The following RRAGD variants were observed in gnomAD, a reference collection of about 807,000 sequenced individuals.
The protein encoded by RRAGD is ras-related GTP-binding protein D.
Under a neutral mutation model 35.5 loss-of-function variants are expected in RRAGD, and 12 were observed. The ratio of observed to expected loss-of-function variants is 0.34; its 90% confidence interval spans 0.22 to 0.55. RRAGD has a LOEUF of 0.55. Ranked by LOEUF, RRAGD falls within the 20% of genes least tolerant of loss-of-function variation. The pLI is 0.91. For missense variants in RRAGD, 324 were observed against 490.1 expected (o/e 0.66, Z 3.20); for synonymous variants, 155 against 178.9 (o/e 0.87, Z 1.07).
chr6:89,396,519 A>T (rs2127894553), intron 1 of RRAGD, among the ~76,000 whole-genome samples: 1 of 150,842 alleles, frequency 6.6e-6, no homozygotes, highest in Admixed American at 6.6e-5. Context: ...TCCACCTCTC[A>T]GGCTCAAGTG....
rs553579455 is a variant in RRAGD, at chr6:89,367,750, G to A, written c.*306C>T. ...TCAGTTCAATGAGAAACATGAAAAA[G>A]TGCAAAATATGTACAATTCCTGGCA... On this transcript the variant is annotated 3_prime_UTR_variant, in exon 7 of 7. Coordinates refer to ENST00000369415, the MANE Select transcript of RRAGD (RefSeq NM_021244.5). 7.9e-6 allele frequency: 2 copies of A among 252,680 alleles called. No homozygotes were observed. The highest frequency in any genetic ancestry group is 1.1e-4 in the Admixed American group (2 of 18,976). The allele number at this position is 252,680 out of a possible 1,614,324, so 15.7% of individuals were successfully genotyped here. A position where few individuals can be genotyped will look rare whatever the true frequency, so the allele number is the denominator to read the frequency against.
At chr6:89,395,999 C>A (rs1374372596) in intron 1 of RRAGD, among the ~76,000 whole-genome samples, 9 of 150,660 alleles carry the variant, frequency 6.0e-5, no homozygotes, top group African/African-American at 2.2e-4. Context: ...CTCACATCAA[C>A]TCAAAATTGG....
At chr6:89,374,785 T>C (rs1441161097) in intron 5 of RRAGD, among the ~76,000 whole-genome samples, 2 of 151,740 alleles carry the variant, frequency 1.3e-5, no homozygotes, top group Non-Finnish European at 2.9e-5. Context: ...TTTTAAAGGA[T>C]TCAACTCACT....
In RRAGD at chr6:89,411,236, G is replaced by A. The variant is rs1005339721; in HGVS notation, c.148+610C>T. The A allele has an allele frequency of 1.3e-5, 2 of 152,222 alleles. No individual in the cohort carries two copies. The highest frequency in any genetic ancestry group is 2.4e-5 in the African/African-American group (1 of 41,446). The allele number at this position is 152,222 out of a possible 1,614,324, so 9.4% of individuals were successfully genotyped here. On this transcript the variant is annotated intron_variant, in intron 1 of 6. Transcript: ENST00000369415. This position sits in a 1 kb window ranked among gnomAD's most constrained non-coding sequence, Gnocchi z 5.6. ...GCAGATAAGGTGTCCTGACAACGGTGTTTGCGTGGATCCCGGGAAATCTGC... is the reference window on the plus strand; with the variant it reads ...GCAGATAAGGTGTCCTGACAACGGTATTTGCGTGGATCCCGGGAAATCTGC...
intron 1 of RRAGD, among the ~76,000 whole-genome samples, chr6:89,392,291 T>C (rs949010144): frequency 2.6e-5 from 4 of 152,014 alleles, no homozygotes; most frequent in Non-Finnish European, 5.9e-5. Flanking sequence ...CTGGGCAGCA[T>C]AGAGAGACCT....
At chr6:89,387,810 GC>G (rs1769162026) in intron 1 of RRAGD, among the ~76,000 whole-genome samples, 1 of 152,228 alleles carries the variant, frequency 6.6e-6, no homozygotes, top group African/African-American at 2.4e-5. Context: ...AAAGGGGACA[GC>G]TTTTGCTAAG....
chr6:89,368,914 A>C (rs549025479), intron 6 of RRAGD, among the ~76,000 whole-genome samples: 5 of 152,346 alleles, frequency 3.3e-5, no homozygotes, highest in Admixed American at 2.0e-4. Context: ...ATTACTAGTA[A>C]TTTGTAAAAG....
intron 1 of RRAGD, among the ~76,000 whole-genome samples, chr6:89,387,848 G>A (rs962753427): frequency 2.6e-5 from 4 of 151,948 alleles, no homozygotes; most frequent in Non-Finnish European, 4.4e-5. Flanking sequence ...ATAGAGTCTC[G>A]CCACTTCTTA....
At chr6:89,394,664 C>G (rs1327731832) in intron 1 of RRAGD, among the ~76,000 whole-genome samples, 1 of 151,882 alleles carries the variant, frequency 6.6e-6, no homozygotes, top group Non-Finnish European at 1.5e-5. Context: ...AGAGGTAAGT[C>G]AAAGAATGCT....
chr6:89,383,968 A>C (rs1315621288), intron 2 of RRAGD, among the ~76,000 whole-genome samples: 1 of 151,982 alleles, frequency 6.6e-6, no homozygotes, highest in Non-Finnish European at 1.5e-5. Flanking sequence ...CTAAAAATAT[A>C]AAACTTAGCT....
intron 1 of RRAGD, among the ~76,000 whole-genome samples, chr6:89,387,963 G>T (rs1305220050): frequency 6.6e-6 from 1 of 152,060 alleles, no homozygotes; most frequent in African/African-American, 2.4e-5. Flanking sequence ...AAAGAATCCA[G>T]GTCTGAGCAT....
At chr6:89,400,070 T>C (rs1769428339) in intron 1 of RRAGD, among the ~76,000 whole-genome samples, 1 of 152,184 alleles carries the variant, frequency 6.6e-6, no homozygotes, top group Admixed American at 6.5e-5. Context: ...TAACATTTAA[T>C]ACTAAACTGT....
chr6:89,399,767 ATTTTTTT>A (rs71556518), intron 1 of RRAGD, among the ~76,000 whole-genome samples: 1 of 130,824 alleles, frequency 7.6e-6, no homozygotes, highest in Non-Finnish European at 1.6e-5. Context: ...ATGCCCAGCT[ATTTTTTT>A]TTTTTTTTTT....
intron 1 of RRAGD, among the ~76,000 whole-genome samples, chr6:89,391,658 A>G (rs1360634420): frequency 6.6e-6 from 1 of 152,138 alleles, no homozygotes; most frequent in Non-Finnish European, 1.5e-5. Flanking sequence ...AGTGATAAAA[A>G]TGTTCTGGAA....
intron 2 of RRAGD, among the ~76,000 whole-genome samples, chr6:89,382,325 T>C (rs1235719062): frequency 6.6e-6 from 1 of 151,200 alleles, no homozygotes; most frequent in African/African-American, 2.4e-5. Context: ...CTTGTGCCTG[T>C]AATCCCACCT....
intron 6 of RRAGD, among the ~76,000 whole-genome samples, chr6:89,370,961 A>C (rs1768844956): frequency 6.9e-6 from 1 of 145,952 alleles, no homozygotes; most frequent in Non-Finnish European, 1.6e-5. Context: ...CTTTTCTGAT[A>C]AAAATAAACA....
chr6:89,382,202 T>TTTG (rs1769055703), intron 2 of RRAGD, among the ~76,000 whole-genome samples: 1 of 151,832 alleles, frequency 6.6e-6, no homozygotes, highest in Non-Finnish European at 1.5e-5. Flanking sequence ...AAATCAAATA[T>TTTG]TAATTATACA....
intron 2 of RRAGD, among the ~76,000 whole-genome samples, chr6:89,383,663 A>G (rs1769086959): frequency 6.6e-6 from 1 of 152,180 alleles, no homozygotes; most frequent in South Asian, 2.1e-4. Flanking sequence ...GTGTCACCAC[A>G]GATCATGGGA....
intron 1 of RRAGD, among the ~76,000 whole-genome samples, chr6:89,404,056 T>TA (rs1410033342): frequency 1.2e-4 from 18 of 152,184 alleles, no homozygotes; most frequent in Non-Finnish European, 2.9e-5. Context: ...GCTTGAAGAA[T>TA]AAAAAACGGT....
Sources: gnomAD v4.1 joint callset for allele counts (sites outside exome capture counted in the v4.1 genomes callset) on GRCh38, gnomAD v4.1.1 for gene constraint, Gnocchi (gnomAD v3.1) non-coding constraint, MANE v1.5 for transcripts, NCBI Gene and HGNC (gene_info 2026-07-23, HGNC 2026-07-21) for gene names.